GFRA2: variants seen among roughly 807,000 people sequenced by gnomAD.
GFRA2 encodes GDNF family receptor alpha-2.
A neutral mutation model predicts 48.3 loss-of-function variants in GFRA2; 17 were observed. That is an observed-to-expected ratio of 0.35 (90% confidence interval 0.24 to 0.53). The LOEUF (loss-of-function observed/expected upper bound fraction) is 0.53, where lower values mean the gene tolerates loss of function less well. Among genes scored for constraint, GFRA2 ranks in the 20% least tolerant of loss-of-function variants. The pLI is 0.93. For synonymous variants in GFRA2, 305 were observed against 257.2 expected, an observed-to-expected ratio of 1.19 and a Z score of -1.78; for missense variants, 660 against 637.3, an observed-to-expected ratio of 1.04 and a Z score of -0.38.
At chr8:21,732,434 G>T (rs1804242305) in intron 4 of GFRA2, among the ~76,000 whole-genome samples, 1 of 152,224 alleles carries the variant, frequency 6.6e-6, no homozygotes, top group South Asian at 2.1e-4. Context: ...CCCCATGGCA[G>T]TGAGGGATGA....
chr8:21,763,632 T>C (rs1231594315), intron 3 of GFRA2, among the ~76,000 whole-genome samples: 2 of 152,036 alleles, frequency 1.3e-5, no homozygotes, highest in African/African-American at 4.8e-5. Flanking sequence ...TGCTGAAAGG[T>C]TGACATCACA....
At chr8:21,791,015 C>A (rs998680456), upstream of GFRA2, among the ~76,000 whole-genome samples, 1 of 152,138 alleles carries the variant, frequency 6.6e-6, no homozygotes, top group Admixed American at 6.5e-5. Flanking sequence ...TACTCCCCAC[C>A]ACCACCCATT....
intron 6 of GFRA2, among the ~76,000 whole-genome samples, chr8:21,704,604 A>G (rs1802647879): frequency 2.0e-5 from 3 of 152,172 alleles, no homozygotes; most frequent in East Asian, 1.9e-4. Context: ...CTGGGTTAGG[A>G]GTTTGACGAT....
At chr8:21,721,040 A>AG (rs1803570154) in intron 4 of GFRA2, among the ~76,000 whole-genome samples, 1 of 123,844 alleles carries the variant, frequency 8.1e-6, no homozygotes. Context: ...AAGGGAGGGG[A>AG]GGGAAGGGAA....
intron 7 of GFRA2, among the ~76,000 whole-genome samples, chr8:21,700,973 A>G (rs1802444511): frequency 6.6e-6 from 1 of 152,186 alleles, no homozygotes; most frequent in Admixed American, 6.5e-5. Flanking sequence ...GGGAGCTGAG[A>G]GACAGGGGAC....
At chr8:21,748,585 AG>A (rs1585291630) in intron 4 of GFRA2, among the ~76,000 whole-genome samples, 1 of 152,356 alleles carries the variant, frequency 6.6e-6, no homozygotes, top group East Asian at 1.9e-4. Context: ...ACTGGAAAGA[AG>A]CAGTTTAGCT....
intron 2 of GFRA2, among the ~76,000 whole-genome samples, chr8:21,778,839 A>T (rs1806835789): frequency 6.6e-6 from 1 of 152,094 alleles, no homozygotes; most frequent in Non-Finnish European, 1.5e-5. Context: ...GTGAGCTATG[A>T]TCTTGCCACT....
In GFRA2 at chr8:21,723,549, A is replaced by G. The variant is rs574705817; in HGVS notation, c.795-17508T>C. 3.3e-5 allele frequency among the ~76,000 whole-genome samples: 5 copies of G among 152,330 alleles called. No individual in the cohort carries two copies. The East Asian group carries it at 9.7e-4, about 29-fold the overall frequency. On this transcript the variant is annotated intron_variant, in intron 4 of 8. Coordinates refer to ENST00000524240, the MANE Select transcript of GFRA2 (RefSeq NM_001495.5). ...TTCCCCAGAGAGCCTGGATAAATGA[A>G]CAGAAGCCTTGCCAGGCACCAGGAC...
intron 2 of GFRA2, among the ~76,000 whole-genome samples, chr8:21,778,556 A>T (rs1585332341): frequency 6.6e-6 from 1 of 152,362 alleles, no homozygotes; most frequent in Non-Finnish European, 1.5e-5. Flanking sequence ...GGTGCTTAAC[A>T]AATGGTTGTT....
chr8:21,767,093 CCACA>C (rs1249566281), intron 3 of GFRA2, among the ~76,000 whole-genome samples: 2 of 106,260 alleles, frequency 1.9e-5, no homozygotes, highest in Non-Finnish European at 4.2e-5. Context: ...CACACACACC[CCACA>C]CACACCACCA....
chr8:21,772,085 A>G (rs1010709478), intron 3 of GFRA2, among the ~76,000 whole-genome samples: 13 of 152,112 alleles, frequency 8.5e-5, no homozygotes, highest in Non-Finnish European at 1.8e-4. Context: ...ACCCTGCCGC[A>G]TCACCATTTT....
upstream of GFRA2, among the ~76,000 whole-genome samples, chr8:21,789,780 TC>T (rs1807500527): frequency 1.3e-4 from 1 of 7,690 alleles, no homozygotes. Context: ...CCAGCCGGTC[TC>T]CCCTCCCCCC....
intron 7 of GFRA2, among the ~76,000 whole-genome samples, chr8:21,700,442 G>A (rs1053897906): frequency 6.6e-6 from 1 of 152,192 alleles, no homozygotes; most frequent in African/African-American, 2.4e-5. Context: ...TACTGTGGTG[G>A]CGTCCAAGAC....
chr8:21,699,518 C>A lies in GFRA2; in HGVS notation c.1218+3287G>T, dbSNP rs1036226914. On this transcript the variant is annotated intron_variant, in intron 7 of 8. Transcript: ENST00000524240. ...GGGTCCTACAAATTGGCATTCTGGGCCCAGAGTAGCCCCAAGGGAGTGTCA... is the reference window on the plus strand; with the variant it reads ...GGGTCCTACAAATTGGCATTCTGGGACCAGAGTAGCCCCAAGGGAGTGTCA... 2.6e-5 allele frequency among the ~76,000 whole-genome samples: 4 copies of A among 152,262 alleles called. No homozygotes were observed. The South Asian group carries it at 8.3e-4, about 32-fold the overall frequency.
intron 4 of GFRA2, among the ~76,000 whole-genome samples, chr8:21,739,226 G>A (rs1245102522): frequency 6.6e-6 from 1 of 152,140 alleles, no homozygotes; most frequent in Admixed American, 6.5e-5. Context: ...TTGCTCATAA[G>A]TCAATGTCCT....
upstream of GFRA2, among the ~76,000 whole-genome samples, chr8:21,792,909 AC>A (rs1807600915): frequency 6.6e-6 from 1 of 151,012 alleles, no homozygotes; most frequent in African/African-American, 2.5e-5. Flanking sequence ...TGCAAAAAAT[AC>A]AAAAAACATA....
At chr8:21,804,447 AC>A (rs1461193680) in intron 2 of GFRA2, among the ~76,000 whole-genome samples, 38 of 143,036 alleles carry the variant, frequency 2.7e-4, no homozygotes, top group East Asian at 6.4e-4. Context: ...CAAAAAAAAA[AC>A]AAACTGGTGC....
intron 2 of GFRA2, among the ~76,000 whole-genome samples, chr8:21,803,162 C>A (rs1422262382): frequency 6.6e-6 from 1 of 152,204 alleles, no homozygotes; most frequent in East Asian, 1.9e-4. Flanking sequence ...ACTCAGGGAT[C>A]CAGGCTGACT....
chr8:21,701,745 G>A (rs1802490956), intron 7 of GFRA2, among the ~76,000 whole-genome samples: 1 of 152,200 alleles, frequency 6.6e-6, no homozygotes, highest in Non-Finnish European at 1.5e-5. Flanking sequence ...GCCCCCGATG[G>A]TGAGACTGCA....
Sources: allele counts gnomAD v4.1 joint callset (sites outside exome capture counted in the v4.1 genomes callset), GRCh38; gene constraint gnomAD v4.1.1; transcripts MANE v1.5; gene names NCBI Gene and HGNC (gene_info 2026-07-23, HGNC 2026-07-21).